Variants in KIAA0319L observed in about 807,000 individuals in gnomAD.
KIAA0319L encodes the protein KIAA0319 like.
In KIAA0319L, 55 loss-of-function variants were observed where a neutral mutation model predicts 120.1. That is an observed-to-expected ratio of 0.46 (90% CI 0.37 to 0.57). KIAA0319L has a LOEUF of 0.57. KIAA0319L is among the 20% of genes least tolerant of loss of function. The pLI is 0.00. For synonymous variants in KIAA0319L, 398 were observed against 471.9 expected, an observed-to-expected ratio of 0.84 and a Z score of 2.03; for missense variants, 1,049 against 1,255.3, an observed-to-expected ratio of 0.84 and a Z score of 2.48.
At chr1:35,470,317 ACT>A (rs1643537513) in intron 6 of KIAA0319L, among the ~76,000 whole-genome samples, 1 of 151,666 alleles carries the variant, frequency 6.6e-6, no homozygotes, top group South Asian at 2.1e-4. Context: ...ATATGATGAG[ACT>A]CTATCTCTAT....
At chr1:35,467,184 T>C (rs1263278377) in intron 6 of KIAA0319L, among the ~76,000 whole-genome samples, 1 of 152,068 alleles carries the variant, frequency 6.6e-6, no homozygotes, top group Non-Finnish European at 1.5e-5. Flanking sequence ...AATATCTCTG[T>C]ACTCCCATTT....
Position 35,460,393 on chromosome 1 carries a change from G to A in KIAA0319L, c.1339C>T (p.Leu447Phe). ...DKIVQYHWEE[L>F]KGPLREEKIS... ...TTCTCTTCTCTTAGAGGCCCCTTAA[G>A]TTCTTCCCAATGGTACTGAACGATT... The change falls in exon 9 of 21, where the codon CTT (leucine) becomes TTT (phenylalanine). Residue 447 changes from leucine to phenylalanine, a missense_variant. Leu to Phe is a conservative substitution (Grantham distance 22). Transcript: ENST00000325722. 1.2e-6 allele frequency: 2 copies of A among 1,612,606 alleles called. No homozygotes were observed. Among genetic ancestry groups the A allele is most frequent in the Non-Finnish European group, 1.7e-6 (2 of 1,178,740 alleles).
chr1:35,549,143 C>G (rs376885716), intron 2 of KIAA0319L, among the ~76,000 whole-genome samples: 1 of 151,880 alleles, frequency 6.6e-6, no homozygotes, highest in Non-Finnish European at 1.5e-5. Context: ...CTTGAACTCC[C>G]GGGCTCAGGT....
intron 1 of KIAA0319L, chr1:35,556,973 G>A (rs1317107148): frequency 6.6e-6 from 1 of 152,366 alleles, no homozygotes; most frequent in African/African-American, 2.4e-5. Flanking sequence ...CTGGCTCTCA[G>A]GGGATGGAGG....
At chr1:35,536,393 C>G (rs1646574388) in intron 2 of KIAA0319L, among the ~76,000 whole-genome samples, 1 of 152,228 alleles carries the variant, frequency 6.6e-6, no homozygotes, top group Non-Finnish European at 1.5e-5. Context: ...CGACTTCACT[C>G]AAAGGTGACA....
At chr1:35,466,525 T>A in intron 7 of KIAA0319L, 83 bp downstream of exon 7, 1 of 927,974 alleles carries the variant, frequency 1.1e-6, no homozygotes, top group South Asian at 1.4e-5. Context: ...AAAATGAGAA[T>A]CAAAAACCCC....
At chr1:35,516,727 A>G (rs1350316678) in intron 2 of KIAA0319L, among the ~76,000 whole-genome samples, 1 of 152,224 alleles carries the variant, frequency 6.6e-6, no homozygotes, top group East Asian at 1.9e-4. Context: ...AGAGAAAGAA[A>G]TAAAGGGCAT....
At chr1:35,554,643 C>T (rs941490556) in intron 1 of KIAA0319L, 124 bp from the exon 2 acceptor site, 3 of 574,594 alleles carry the variant, frequency 5.2e-6, no homozygotes, top group African/African-American at 3.8e-5. Flanking sequence ...TCTTTAACGG[C>T]TCAACCCTGC....
intron 2 of KIAA0319L, among the ~76,000 whole-genome samples, chr1:35,538,587 T>A (rs751255525): frequency 3.4e-4 from 34 of 100,572 alleles, no homozygotes; most frequent in Non-Finnish European, 4.9e-4. Flanking sequence ...TGAAACTCTG[T>A]CTCAAAAAAA....
chr1:35,486,570 ATTTCT>A (rs915462076), intron 3 of KIAA0319L, among the ~76,000 whole-genome samples: 7 of 151,560 alleles, frequency 4.6e-5, no homozygotes, highest in African/African-American at 1.5e-4. Flanking sequence ...CATTTTTAAC[ATTTCT>A]TTTCTGAAAT....
Position 35,456,113 on chromosome 1 carries a change from G to A in KIAA0319L, c.1556C>T (p.Ser519Phe). The change falls in exon 10 of 21, where the codon TCC (serine) becomes TTC (phenylalanine). Residue 519 changes from serine to phenylalanine, a missense_variant. Physicochemically the swap from Ser to Phe is radical, Grantham distance 155. Transcript: ENST00000325722. ...GCTCTGGTTCCCAAAGAGGGTGATG[G>A]AGTTTTGGGGCAGGGTGATCACTTG... ...PNQVITLPQN[S>F]ITLFGNQSTD... is the part of the protein sequence containing the mutation. 1 of 1,614,020 alleles carries A rather than the reference G, an allele frequency of 6.2e-7. No homozygotes were observed. The highest frequency in any genetic ancestry group is 8.5e-7 in the Non-Finnish European group (1 of 1,179,986).
intron 3 of KIAA0319L, among the ~76,000 whole-genome samples, chr1:35,500,914 TG>T (rs1644981528): frequency 6.6e-6 from 1 of 152,076 alleles, no homozygotes. Context: ...ATAACTTATC[TG>T]GATCTGAAGA....
intron 13 of KIAA0319L, among the ~76,000 whole-genome samples, chr1:35,450,900 T>C (rs561480671): frequency 1.3e-5 from 2 of 152,350 alleles, no homozygotes; most frequent in Admixed American, 6.5e-5. Context: ...TCCTTCAAAA[T>C]ATCTTAAAAT....
chr1:35,477,393 C>T (rs72897200), intron 4 of KIAA0319L, among the ~76,000 whole-genome samples: 7,784 of 152,180 alleles, frequency 0.051, 198 homozygotes, highest in Non-Finnish European at 0.052. Flanking sequence ...GATGGCCGGG[C>T]GCGGTGGCTC....
chr1:35,444,884 C>T (rs950772745), intron 16 of KIAA0319L, among the ~76,000 whole-genome samples: 2 of 152,214 alleles, frequency 1.3e-5, no homozygotes, highest in African/African-American at 4.8e-5. Context: ...TTATATTACT[C>T]CATGCCCAGA....
chr1:35,434,249 TA>T lies in KIAA0319L; in HGVS notation c.*644del, dbSNP rs1489620075. 1.6e-4 allele frequency: 25 copies of T among 152,016 alleles called. No individual in the cohort carries two copies. In the South Asian group the frequency reaches 5.0e-3, roughly 30 times the overall value. The allele number at this position is 152,016 out of a possible 1,614,324, so 9.4% of individuals were successfully genotyped here. On this transcript the variant is annotated 3_prime_UTR_variant, in exon 21 of 21. Transcript: ENST00000325722. ...ACAGGCATACGCCACCAAACCCGGC[TA>T]ATTTTTTTTTTTATTTTTAGTAGAG...
chr1:35,466,762 T>C (rs185093089), intron 6 of KIAA0319L, 67 bp from the exon 7 acceptor site: 25 of 1,111,236 alleles, frequency 2.2e-5, no homozygotes, highest in South Asian at 3.8e-5. Flanking sequence ...AAATAAGATA[T>C]ATCTGAACTT....
intron 2 of KIAA0319L, among the ~76,000 whole-genome samples, chr1:35,548,092 G>C (rs565218163): frequency 2.0e-5 from 3 of 151,306 alleles, no homozygotes; most frequent in African/African-American, 7.3e-5. Context: ...CTGCAGTCCA[G>C]CCTGGGCAAC....
intron 16 of KIAA0319L, among the ~76,000 whole-genome samples, chr1:35,447,401 T>G (rs1247583240): frequency 6.6e-6 from 1 of 151,838 alleles, no homozygotes; most frequent in Non-Finnish European, 1.5e-5. Flanking sequence ...ACTGCCAGTC[T>G]TGTCTTCTAC....
Sources: allele counts gnomAD v4.1 joint callset (sites outside exome capture counted in the v4.1 genomes callset), GRCh38; gene constraint gnomAD v4.1.1; transcripts MANE v1.5; gene names NCBI Gene and HGNC (gene_info 2026-07-23, HGNC 2026-07-21).